Variants in RBFOX1 observed in about 807,000 individuals in gnomAD.
The protein encoded by RBFOX1 is RNA binding protein fox-1 homolog 1.
In RBFOX1, 8 loss-of-function variants were observed where a neutral mutation model predicts 57.7. The observed-to-expected ratio is 0.14, with a 90% CI of 0.08 to 0.25. The LOEUF (loss-of-function observed/expected upper bound fraction) is 0.25, where lower values mean the gene tolerates loss of function less well. Among genes scored for constraint, RBFOX1 ranks in the 10% least tolerant of loss-of-function variants. RBFOX1 has a pLI of 1.00. For missense variants in RBFOX1, 611 were observed against 548.5 expected, an observed-to-expected ratio of 1.11 and a Z score of -1.14; for synonymous variants, 326 against 222.4, an observed-to-expected ratio of 1.47 and a Z score of -4.15.
chr16:5,552,183 G>T (rs116719694), intron 2 of RBFOX1, among the ~76,000 whole-genome samples: 3,090 of 152,302 alleles, frequency 0.02, 70 homozygotes, highest in African/African-American at 0.05. Context: ...AAGGAGTGCA[G>T]CTTCTCTGAG....
At position 7,139,176 on chromosome 16, in the gene RBFOX1, C is replaced by CTCTGTGTGTG. The variant is rs372381673; in HGVS notation, c.27+87079_27+87080insCTGTGTGTGT. Among the ~76,000 whole-genome samples the CTCTGTGTGTG allele has an allele frequency of 2.1e-3, 313 of 145,906 alleles. 5 individuals carry two copies. The highest frequency in any genetic ancestry group is 7.5e-3 in the African/African-American group (293 of 38,916). Reference sequence around the variant, plus strand: ...TAATGCAGATGAAATCAATCTCTCTCTGTGTGTGTGTGTGTGTGTGTATGT... The same window carrying CTCTGTGTGTG: ...TAATGCAGATGAAATCAATCTCTCTCTCTGTGTGTGTGTGTGTGTGTGTGTGTGTGTATGT... On this transcript the variant is annotated intron_variant, in intron 4 of 15. Coordinates refer to ENST00000550418, the MANE Select transcript of RBFOX1 (RefSeq NM_018723.4).
intron 1 of RBFOX1, among the ~76,000 whole-genome samples, chr16:6,048,119 G>A (rs942107980): frequency 6.6e-6 from 1 of 152,190 alleles, no homozygotes; most frequent in Non-Finnish European, 1.5e-5. Flanking sequence ...CGGTAAAATT[G>A]CCATATCTGA....
At chr16:6,072,032 C>G (rs553759352) in intron 1 of RBFOX1, among the ~76,000 whole-genome samples, 1 of 152,138 alleles carries the variant, frequency 6.6e-6, no homozygotes, top group Non-Finnish European at 1.5e-5. Flanking sequence ...GGGTAACTTA[C>G]AAAGGAAAAG....
intron 10 of RBFOX1, among the ~76,000 whole-genome samples, chr16:7,619,211 C>G (rs1013227560): frequency 1.1e-4 from 17 of 151,966 alleles, no homozygotes; most frequent in African/African-American, 4.1e-4. Context: ...ACTGATATTT[C>G]CTCTGGAGAA....
At chr16:6,841,118 T>G (rs995084745) in intron 3 of RBFOX1, among the ~76,000 whole-genome samples, 1 of 152,132 alleles carries the variant, frequency 6.6e-6, no homozygotes, top group African/African-American at 2.4e-5. Flanking sequence ...CTTGTGCATT[T>G]GCTTAAGTTC....
At chr16:7,261,404 C>G (rs1234022138) in intron 4 of RBFOX1, among the ~76,000 whole-genome samples, 2 of 152,140 alleles carry the variant, frequency 1.3e-5, no homozygotes, top group Non-Finnish European at 2.9e-5. Context: ...CATGTGTTAA[C>G]CTGGGGCCCA....
At chr16:6,928,113 G>C (rs891353770) in intron 3 of RBFOX1, among the ~76,000 whole-genome samples, 2 of 152,070 alleles carry the variant, frequency 1.3e-5, no homozygotes, top group Non-Finnish European at 2.9e-5. Flanking sequence ...CAGTCCCTTC[G>C]GCAGATGGCA....
At chr16:7,198,678 A>T (rs2881437) in intron 4 of RBFOX1, among the ~76,000 whole-genome samples, 1 of 152,040 alleles carries the variant, frequency 6.6e-6, no homozygotes, top group African/African-American at 2.4e-5. Context: ...AGATGAACTC[A>T]CTTTTATAAC....
At chr16:7,400,727 G>A (rs2098227487) in intron 4 of RBFOX1, among the ~76,000 whole-genome samples, 1 of 152,144 alleles carries the variant, frequency 6.6e-6, no homozygotes, top group Non-Finnish European at 1.5e-5. Context: ...AAAGCACAGT[G>A]GATGAACCAT....
chr16:6,871,425 A>G (rs1427189645), intron 3 of RBFOX1, among the ~76,000 whole-genome samples: 1 of 152,080 alleles, frequency 6.6e-6, no homozygotes, highest in Non-Finnish European at 1.5e-5. Context: ...AGGTCAAATG[A>G]TCTGCTCACC....
intron 2 of RBFOX1, among the ~76,000 whole-genome samples, chr16:6,538,371 G>A (rs2096763813): frequency 6.6e-6 from 1 of 152,070 alleles, no homozygotes; most frequent in Non-Finnish European, 1.5e-5. Flanking sequence ...ACACATCTGT[G>A]GTCCCAGCTA....
intron 4 of RBFOX1, among the ~76,000 whole-genome samples, chr16:7,072,413 C>T (rs984594077): frequency 4.6e-5 from 7 of 152,084 alleles, no homozygotes; most frequent in Admixed American, 3.3e-4. Context: ...TGTCTTCTTA[C>T]TCCCTTTAGA....
chr16:6,056,725 G>C (rs1422867959), intron 1 of RBFOX1, among the ~76,000 whole-genome samples: 1 of 152,056 alleles, frequency 6.6e-6, no homozygotes, highest in Non-Finnish European at 1.5e-5. Flanking sequence ...AAATCTAAAT[G>C]AAATTGTCTA....
intron 1 of RBFOX1, among the ~76,000 whole-genome samples, chr16:6,238,517 C>G (rs138522605): frequency 1.1e-4 from 16 of 152,252 alleles, no homozygotes; most frequent in African/African-American, 3.9e-4. Flanking sequence ...TCCATATGTC[C>G]AAACCCTATC....
intron 3 of RBFOX1, among the ~76,000 whole-genome samples, chr16:5,752,520 G>A (rs1348403912): frequency 2.0e-5 from 3 of 152,116 alleles, no homozygotes; most frequent in Non-Finnish European, 2.9e-5. Context: ...GCTGTTTCAC[G>A]CTGTTTACTG....
chr16:6,989,719 G>A (rs987913469), intron 3 of RBFOX1, among the ~76,000 whole-genome samples: 2 of 152,146 alleles, frequency 1.3e-5, no homozygotes, highest in African/African-American at 4.8e-5. Flanking sequence ...CCTAAAAGGG[G>A]TCAGGTGCTG....
chr16:6,619,413 C>T (rs1448495382), intron 2 of RBFOX1, among the ~76,000 whole-genome samples: 1 of 152,158 alleles, frequency 6.6e-6, no homozygotes, highest in East Asian at 1.9e-4. Flanking sequence ...TGTTGATGTT[C>T]CCTTTTTCTG....
At chr16:5,245,686 C>G (rs1459021257) in intron 1 of RBFOX1, among the ~76,000 whole-genome samples, 1 of 152,146 alleles carries the variant, frequency 6.6e-6, no homozygotes, top group South Asian at 2.1e-4. Context: ...CCCACCTTGG[C>G]CTCCCAAAGT....
intron 4 of RBFOX1, among the ~76,000 whole-genome samples, chr16:7,294,644 T>C (rs982986829): frequency 6.6e-6 from 1 of 152,116 alleles, no homozygotes; most frequent in African/African-American, 2.4e-5. Context: ...TAGGAAAATT[T>C]CATATGATAA....
Sources: allele counts gnomAD v4.1 joint callset (sites outside exome capture counted in the v4.1 genomes callset), GRCh38; gene constraint gnomAD v4.1.1; transcripts MANE v1.5; gene names NCBI Gene and HGNC (gene_info 2026-07-23, HGNC 2026-07-21).